The following NCOA6 variants were observed in gnomAD, a reference collection of about 807,000 sequenced individuals.
NCOA6 encodes nuclear receptor coactivator 6.
In NCOA6, 49 loss-of-function variants were observed where a neutral mutation model predicts 171.4. The observed-to-expected ratio is 0.29, with a 90% CI of 0.23 to 0.36. NCOA6 has a LOEUF of 0.36. NCOA6 is among the 10% of genes least tolerant of loss of function. The pLI, the probability that NCOA6 is intolerant of heterozygous loss-of-function variation, is 1.00. For synonymous variants in NCOA6, 910 were observed against 927.5 expected, an observed-to-expected ratio of 0.98 and a Z score of 0.34; for missense variants, 2,248 against 2,554.5, an observed-to-expected ratio of 0.88 and a Z score of 2.59.
chr20:34,783,029 C>T (rs1001794655), intron 2 of NCOA6, among the ~76,000 whole-genome samples: 1 of 152,156 alleles, frequency 6.6e-6, no homozygotes, highest in Non-Finnish European at 1.5e-5. Context: ...CACCTGTAAT[C>T]CCAGCACTTT....
At chr20:34,788,606 G>A (rs2077761468) in intron 2 of NCOA6, among the ~76,000 whole-genome samples, 1 of 152,158 alleles carries the variant, frequency 6.6e-6, no homozygotes, top group South Asian at 2.1e-4. Flanking sequence ...TGCCTCTGGA[G>A]TCAATTTCCA....
chr20:34,730,236 T>C (rs569899656), intron 13 of NCOA6, among the ~76,000 whole-genome samples: 1 of 148,476 alleles, frequency 6.7e-6, no homozygotes, highest in East Asian at 1.9e-4. Context: ...GACCAGCTAA[T>C]TTTTTATTAA....
At chr20:34,737,161 G>A (rs1188137725) in intron 11 of NCOA6, among the ~76,000 whole-genome samples, 1 of 152,080 alleles carries the variant, frequency 6.6e-6, no homozygotes, top group Non-Finnish European at 1.5e-5. Flanking sequence ...AAAAAATCTA[G>A]CCTCACTCCC....
intron 1 of NCOA6, among the ~76,000 whole-genome samples, chr20:34,795,169 G>A (rs754270469): frequency 3.9e-5 from 6 of 152,154 alleles, no homozygotes; most frequent in Non-Finnish European, 7.3e-5. Flanking sequence ...AGGCAAGGAC[G>A]ATCACAGGTT....
At chr20:34,795,175 A>C (rs2146372237) in intron 1 of NCOA6, among the ~76,000 whole-genome samples, 2 of 152,324 alleles carry the variant, frequency 1.3e-5, no homozygotes, top group South Asian at 4.1e-4. Flanking sequence ...GGACGATCAC[A>C]GGTTGCTAAA....
intron 7 of NCOA6, 129 bp from the exon 8 acceptor site, chr20:34,754,997 GA>G: frequency 1.2e-6 from 1 of 836,908 alleles, no homozygotes; most frequent in South Asian, 2.2e-5. Context: ...ACACTGGTAG[GA>G]TCTTTAATAA....
intron 4 of NCOA6, among the ~76,000 whole-genome samples, chr20:34,771,201 T>C (rs1185602803): frequency 2.6e-5 from 4 of 152,204 alleles, no homozygotes; most frequent in African/African-American, 9.7e-5. Flanking sequence ...CACTGCAGCA[T>C]TGACCTAACT....
At chr20:34,816,728 G>C (rs924374603) in intron 1 of NCOA6, among the ~76,000 whole-genome samples, 3 of 151,970 alleles carry the variant, frequency 2.0e-5, no homozygotes, top group Non-Finnish European at 4.4e-5. Flanking sequence ...CTTGAACCTG[G>C]GAGGCAGAGG....
chr20:34,792,592 AAAAG>A (rs1194941622), intron 1 of NCOA6, 29 bp from the exon 2 acceptor site: 4 of 398,356 alleles, frequency 1.0e-5, no homozygotes, highest in Non-Finnish European at 1.8e-5. Context: ...AACAACAACA[AAAAG>A]AGAGAGAGAG....
intron 4 of NCOA6, among the ~76,000 whole-genome samples, chr20:34,769,184 A>G (rs1418945941): frequency 6.6e-6 from 1 of 152,068 alleles, no homozygotes; most frequent in Non-Finnish European, 1.5e-5. Context: ...GACAGGACCA[A>G]TACTTTTATA....
At chr20:34,754,399 A>G (rs2076583641) in intron 8 of NCOA6, among the ~76,000 whole-genome samples, 1 of 152,220 alleles carries the variant, frequency 6.6e-6, no homozygotes, top group Non-Finnish European at 1.5e-5. Flanking sequence ...CTATCATAAC[A>G]AAGTTGAGTA....
intron 3 of NCOA6, among the ~76,000 whole-genome samples, chr20:34,777,614 CA>C (rs549510097): frequency 1.1e-3 from 140 of 132,342 alleles, no homozygotes; most frequent in South Asian, 1.3e-3. Flanking sequence ...GACTCCGTCT[CA>C]AAAAAAAAAA....
At position 34,746,202 on chromosome 20, in the gene NCOA6, A is replaced by T. The variant is rs542288776; in HGVS notation, c.2914+605T>A. On this transcript the variant is annotated intron_variant, in intron 10 of 14. Transcript: ENST00000359003. ...TTTAATCTTATCCTGTTCTGATGCC[A>T]ACTAGAATCTTGACATTGACAAGAA... Among the ~76,000 whole-genome samples, 52 of 152,182 alleles carry T rather than the reference A, an allele frequency of 3.4e-4. 1 individual carries two copies. The highest frequency in any genetic ancestry group is 1.2e-3 in the African/African-American group (51 of 41,522).
chr20:34,754,170 A>G (rs2076575886), intron 8 of NCOA6, among the ~76,000 whole-genome samples: 1 of 152,222 alleles, frequency 6.6e-6, no homozygotes, highest in South Asian at 2.1e-4. Flanking sequence ...AACATGTACC[A>G]CGTAGAGATT....
At chr20:34,795,641 G>C (rs1225228801) in intron 1 of NCOA6, among the ~76,000 whole-genome samples, 1 of 152,168 alleles carries the variant, frequency 6.6e-6, no homozygotes, top group Non-Finnish European at 1.5e-5. Context: ...GATTAAAAGA[G>C]ACTGAAAGTC....
At position 34,786,668 on chromosome 20, in the gene NCOA6, T is replaced by C. The variant is rs761979524; in HGVS notation, c.-49-4264A>G. Among the ~76,000 whole-genome samples, 18 of 152,346 alleles carry C rather than the reference T, an allele frequency of 1.2e-4. No individual in the cohort carries two copies. In the South Asian group the frequency reaches 1.9e-3, roughly 16 times the overall value. On this transcript the variant is annotated intron_variant, in intron 2 of 14. Transcript: ENST00000359003. ...AGTTGTGTGGTTATGAGTGAACTTCTTAATCTTGAGTTCTAATTTGATTGT... is the reference window on the plus strand; with the variant it reads ...AGTTGTGTGGTTATGAGTGAACTTCCTAATCTTGAGTTCTAATTTGATTGT...
In NCOA6 at chr20:34,740,405, C is replaced by T. The variant is rs763879117; in HGVS notation, c.5851G>A (p.Glu1951Lys). ...ASESLAGGLVEEKVGSHPELL... is the reference protein window; with the variant it reads ...ASESLAGGLVKEKVGSHPELL... ...TCTGGATGGGATCCCACCTTCTCCT[C>T]CACTAGGCCACCCGCAAGTGACTCA... The change falls in exon 11 of 15, where the codon GAG becomes AAG. Residue 1951 changes from glutamate (E) to lysine (K), a missense_variant. Physicochemically the swap from Glu to Lys is moderately conservative, Grantham distance 56 (BLOSUM62 1). Around this residue, in one of 7 missense-constraint regions of NCOA6, gnomAD observed 884 missense variants for 941.9 expected, o/e 0.94. Coordinates refer to ENST00000359003, the MANE Select transcript of NCOA6 (RefSeq NM_014071.5). 10 of 1,614,036 alleles carry T rather than the reference C, an allele frequency of 6.2e-6. No individual in the cohort carries two copies. The Admixed American group carries it at 1.3e-4, about 22-fold the overall frequency.
rs752981889 is a variant in NCOA6 at position 34,757,917 on chromosome 20, TTGCTGCTGCTGCTGC to T, written c.816_830del (p.Gln281_Gln285del). Reference sequence around the variant, plus strand: ...ACTGTTGTTGCTGCTGTTGCTGTTGTTGCTGCTGCTGCTGCTGCTGCTGCTGTTGTTGTTGTTGCT... The same window carrying T: ...ACTGTTGTTGCTGCTGTTGCTGTTGTTGCTGCTGCTGTTGTTGTTGTTGCT... On this transcript the variant is annotated inframe_deletion, in exon 7 of 15. Transcript: ENST00000359003. 3.2e-5 allele frequency: 52 copies of T among 1,612,774 alleles called. No homozygotes were observed. Among genetic ancestry groups the T allele is most frequent in the Non-Finnish European group, 4.3e-5 (51 of 1,179,418 alleles).
At chr20:34,736,628 G>T in intron 12 of NCOA6, 62 bp downstream of exon 12, 1 of 1,344,042 alleles carries the variant, frequency 7.4e-7, no homozygotes, top group Non-Finnish European at 1.0e-6. Flanking sequence ...ATTGAGGACA[G>T]CAGTAGTTCC....
Sources: allele counts gnomAD v4.1 joint callset (sites outside exome capture counted in the v4.1 genomes callset), GRCh38; gene constraint gnomAD v4.1.1; regional missense constraint gnomAD v4.1.1; transcripts MANE v1.5; gene names NCBI Gene and HGNC (gene_info 2026-07-23, HGNC 2026-07-21).